ADGB: variants seen among roughly 807,000 people sequenced by gnomAD.
The protein encoded by ADGB is calpain-7-like protein.
Under a neutral mutation model 210.5 loss-of-function variants are expected in ADGB, and 172 were observed. That is an observed-to-expected ratio of 0.82 (90% CI 0.72 to 0.93). The LOEUF (loss-of-function observed/expected upper bound fraction) is 0.93, where lower values mean the gene tolerates loss of function less well. ADGB is among the 40% of genes least tolerant of loss of function. ADGB has a pLI of 0.00. For synonymous variants in ADGB, 658 were observed against 662.7 expected (o/e 0.99, Z 0.11); for missense variants, 2,025 against 1,964.8 (o/e 1.03, Z -0.58).
intron 29 of ADGB, among the ~76,000 whole-genome samples, chr6:146,773,403 A>G (rs1227166518): frequency 6.6e-6 from 1 of 152,176 alleles, no homozygotes; most frequent in Non-Finnish European, 1.5e-5. Flanking sequence ...AAATATATAA[A>G]TGGGAAGTTT....
At chr6:146,628,955 A>G (rs2114851704) in intron 1 of ADGB, among the ~76,000 whole-genome samples, 1 of 152,312 alleles carries the variant, frequency 6.6e-6, no homozygotes, top group East Asian at 1.9e-4. Context: ...CAAACCTGAA[A>G]TAACAGGAAA....
chr6:146,752,764 A>G (rs2114612672), intron 27 of ADGB, 50 bp downstream of exon 27: 2 of 1,432,922 alleles, frequency 1.4e-6, no homozygotes, highest in Non-Finnish European at 9.2e-7. Context: ...ATGGATATTT[A>G]TGTTTTCATG....
At chr6:146,614,779 A>G (rs185952349) in intron 1 of ADGB, among the ~76,000 whole-genome samples, 1 of 152,326 alleles carries the variant, frequency 6.6e-6, no homozygotes, top group Admixed American at 6.5e-5. Flanking sequence ...TACAGGAAGC[A>G]TGGTACCAAC....
At chr6:146,811,492 G>T (rs1469258150) in intron 35 of ADGB, among the ~76,000 whole-genome samples, 7 of 151,532 alleles carry the variant, frequency 4.6e-5, no homozygotes, top group African/African-American at 1.7e-4. Flanking sequence ...AATATATTCA[G>T]GATATTCAAG....
At chr6:146,719,797 G>A (rs1487595081) in intron 16 of ADGB, among the ~76,000 whole-genome samples, 1 of 152,134 alleles carries the variant, frequency 6.6e-6, no homozygotes, top group East Asian at 1.9e-4. Flanking sequence ...AGGCATGCAT[G>A]CCAGGCTCAC....
intron 26 of ADGB, among the ~76,000 whole-genome samples, chr6:146,751,430 G>A (rs138509441): frequency 4.7e-4 from 71 of 152,140 alleles, no homozygotes; most frequent in Admixed American, 7.9e-4. Flanking sequence ...GAATAGTGCT[G>A]CGGTGAACAT....
At chr6:146,641,004 T>C (rs929142377) in intron 2 of ADGB, among the ~76,000 whole-genome samples, 5 of 151,970 alleles carry the variant, frequency 3.3e-5, no homozygotes, top group African/African-American at 1.2e-4. Context: ...ATTCTATATC[T>C]AGAAAACCCC....
intron 28 of ADGB, among the ~76,000 whole-genome samples, chr6:146,766,414 G>A (rs578205055): frequency 4.8e-5 from 7 of 145,804 alleles, no homozygotes; most frequent in East Asian, 4.0e-4. Flanking sequence ...GCGACAGAGC[G>A]AGGCTCTGTC....
chr6:146,755,588 G>A (rs1440034420), intron 27 of ADGB, among the ~76,000 whole-genome samples: 1 of 151,978 alleles, frequency 6.6e-6, no homozygotes, highest in Non-Finnish European at 1.5e-5. Flanking sequence ...TCAGCCATGC[G>A]GAACTGTGTG....
At position 146,736,573 on chromosome 6, in the gene ADGB, A is replaced by G. The variant is rs772737307; in HGVS notation, c.2870A>G (p.Tyr957Cys). The change falls in exon 23 of 36, where the codon TAT becomes TGT. Residue 957 changes from tyrosine to cysteine, a missense_variant. Physicochemically the swap from Tyr to Cys is radical, Grantham distance 194. Coordinates refer to ENST00000397944, the MANE Select transcript of ADGB (RefSeq NM_024694.4). ...GTATTGGAAATGAATTTAGAACAGT[A>G]TGCAGTTTCTCTCTTAAGGTAAAGC... ...WAVLEMNLEQ[Y>C]AVSLLRLMFK... 4.9e-5 allele frequency: 76 copies of G among 1,548,040 alleles called. No individual in the cohort carries two copies. The highest frequency in any genetic ancestry group is 6.2e-5 in the Non-Finnish European group (71 of 1,144,880).
At chr6:146,667,425 A>G (rs1003923194) in intron 7 of ADGB, among the ~76,000 whole-genome samples, 1 of 151,982 alleles carries the variant, frequency 6.6e-6, no homozygotes, top group Non-Finnish European at 1.5e-5. Flanking sequence ...CAAGGGAGTG[A>G]GGGGCAGGAT....
At chr6:146,628,988 A>G (rs1197508811) in intron 1 of ADGB, among the ~76,000 whole-genome samples, 1 of 152,200 alleles carries the variant, frequency 6.6e-6, no homozygotes, top group African/African-American at 2.4e-5. Flanking sequence ...CACAAAGTTA[A>G]TTTGTTTACA....
At chr6:146,719,875 T>C (rs1776789730) in intron 16 of ADGB, among the ~76,000 whole-genome samples, 2 of 152,282 alleles carry the variant, frequency 1.3e-5, no homozygotes, top group Non-Finnish European at 1.5e-5. Context: ...CAACAACATG[T>C]CACAGCTGAC....
intron 35 of ADGB, among the ~76,000 whole-genome samples, chr6:146,806,015 A>G (rs544521508): frequency 7.8e-4 from 119 of 151,934 alleles, no homozygotes; most frequent in Non-Finnish European, 1.5e-3. Flanking sequence ...CTGTTTTGCA[A>G]AAGTTTGTTT....
rs113409179 is a variant in ADGB at position 146,606,581 on chromosome 6, A to G, written c.74+7467A>G. On this transcript the variant is annotated intron_variant, in intron 1 of 35. Coordinates refer to ENST00000397944, the MANE Select transcript of ADGB (RefSeq NM_024694.4). ...TCCACTTCAGTTGCTTTACGTATAT[A>G]GTGAAAGGAAGGGGTCCAGTTTCAA... 5.9e-3 allele frequency among the ~76,000 whole-genome samples: 902 copies of G among 152,268 alleles called. 10 individuals carry two copies. Among genetic ancestry groups the G allele is most frequent in the African/African-American group, 0.02 (821 of 41,558 alleles).
intron 28 of ADGB, among the ~76,000 whole-genome samples, chr6:146,767,312 T>G (rs1170126867): frequency 6.6e-6 from 1 of 152,180 alleles, no homozygotes; most frequent in Non-Finnish European, 1.5e-5. Context: ...TATAATCATA[T>G]GCCCAAGAAA....
chr6:146,769,856 C>A (rs1263716529), intron 29 of ADGB, among the ~76,000 whole-genome samples: 1 of 152,192 alleles, frequency 6.6e-6, no homozygotes, highest in Non-Finnish European at 1.5e-5. Context: ...GTCCCATTAA[C>A]CTGAGTTCAA....
rs1775792553 is a variant in ADGB, at chr6:146,657,043, G to A, written c.612+63G>A. On this transcript the variant is annotated intron_variant, in intron 5 of 35. Transcript: ENST00000397944. ...TTTCATATTGAAATATACTTGTCCT[G>A]GCATGGTGGCTCATGCCTGTAATCG... 2.1e-6 allele frequency: 3 copies of A among 1,398,764 alleles called. No homozygotes were observed. The East Asian group carries it at 7.5e-5, about 35-fold the overall frequency. 86.6% of individuals were successfully genotyped at this position (1,398,764 alleles called of 1,614,324 possible).
chr6:146,607,759 T>A (rs1477014378), intron 1 of ADGB, among the ~76,000 whole-genome samples: 1 of 152,206 alleles, frequency 6.6e-6, no homozygotes, highest in Non-Finnish European at 1.5e-5. Flanking sequence ...TTGTGGTAAA[T>A]TAGCTTTTTG....
Sources: gnomAD v4.1 joint callset for allele counts (sites outside exome capture counted in the v4.1 genomes callset) on GRCh38, gnomAD v4.1.1 for gene constraint, MANE v1.5 for transcripts, NCBI Gene and HGNC (gene_info 2026-07-23, HGNC 2026-07-21) for gene names.